The following ZP3 variants were observed in gnomAD, a reference collection of about 807,000 sequenced individuals.
ZP3 encodes the protein zona pellucida glycoprotein 3, also known as zona pellucida sperm-binding protein 3.
A neutral mutation model predicts 35.6 loss-of-function variants in ZP3; 21 were observed. The ratio of observed to expected loss-of-function variants is 0.59; its 90% CI spans 0.42 to 0.85. The LOEUF is 0.85. Among genes scored for constraint, ZP3 ranks in the 40% least tolerant of loss-of-function variants. ZP3 has a pLI of 0.00. For missense variants in ZP3, 437 were observed against 536.5 expected (o/e 0.81, Z 1.83); for synonymous variants, 207 against 214.5 (o/e 0.96, Z 0.31).
Position 76,433,098 on chromosome 7 carries a change from C to T in ZP3, c.535+68C>T, listed in dbSNP as rs879700142. On this transcript the variant is annotated intron_variant, in intron 3 of 7. Coordinates refer to ENST00000394857, the MANE Select transcript of ZP3 (RefSeq NM_001110354.2). ...GGCCATCTCAGACCCCTGCCCTTGGCTGTGTCTTTTTTTTGTTTGTTTGGT... is the reference window on the plus strand; with the variant it reads ...GGCCATCTCAGACCCCTGCCCTTGGTTGTGTCTTTTTTTTGTTTGTTTGGT... 139 of 1,166,528 alleles carry T rather than the reference C, an allele frequency of 1.2e-4. 2 individuals are homozygous for T. The highest frequency in any genetic ancestry group is 1.0e-4 in the Non-Finnish European group (88 of 872,686). 72.3% of individuals were successfully genotyped at this position (1,166,528 alleles called of 1,614,324 possible).
At chr7:76,440,750 A>T in intron 7 of ZP3, 139 bp downstream of exon 7, 2 of 1,401,230 alleles carry the variant, frequency 1.4e-6, no homozygotes, top group Non-Finnish European at 1.9e-6. Context: ...ACCTTTCCCT[A>T]ACACAAATCT....
intron 1 of ZP3, among the ~76,000 whole-genome samples, chr7:76,406,680 ATGGGCTCT>A (rs2115815862): frequency 6.6e-6 from 1 of 151,148 alleles, no homozygotes; most frequent in Non-Finnish European, 1.5e-5. Flanking sequence ...TTTAGTAGAG[ATGGGCTCT>A]CGTGCTGTGT....
chr7:76,412,666 A>G (rs1467710596), intron 1 of ZP3, among the ~76,000 whole-genome samples: 1 of 152,052 alleles, frequency 6.6e-6, no homozygotes, highest in Admixed American at 6.6e-5. Context: ...CCTGACCAAC[A>G]TGGAGAAACC....
chr7:76,429,782 G>T, intron 2 of ZP3, 149 bp downstream of exon 2: 1 of 703,128 alleles, frequency 1.4e-6, no homozygotes. Flanking sequence ...GTACTGCGTG[G>T]GATTGTGGGG....
upstream of ZP3, among the ~76,000 whole-genome samples, chr7:76,421,454 G>A (rs954748996): frequency 4.6e-5 from 7 of 151,422 alleles, no homozygotes; most frequent in African/African-American, 1.5e-4. Context: ...GGGCCTCACT[G>A]TATTGTCCAG....
chr7:76,419,741 TTC>T (rs1461724603), intron 1 of ZP3, among the ~76,000 whole-genome samples: 7 of 150,302 alleles, frequency 4.7e-5, no homozygotes, highest in Admixed American at 1.3e-4. Flanking sequence ...CTTTCTTTCT[TTC>T]TCTTTTTCTT....
intron 2 of ZP3, among the ~76,000 whole-genome samples, chr7:76,431,411 G>A (rs184925211): frequency 2.0e-5 from 3 of 152,268 alleles, no homozygotes; most frequent in East Asian, 1.9e-4. Context: ...GCTTTAACCT[G>A]GCTCCAGATA....
chr7:76,428,121 T>A (rs915289640), intron 1 of ZP3, among the ~76,000 whole-genome samples: 2 of 149,374 alleles, frequency 1.3e-5, no homozygotes, highest in Admixed American at 6.7e-5. Context: ...AGGCCAGGAG[T>A]TCGAGACCAG....
At chr7:76,421,780 T>A (rs73363123), upstream of ZP3, among the ~76,000 whole-genome samples, 2,203 of 151,728 alleles carry the variant, frequency 0.015, 66 homozygotes, top group African/African-American at 0.051. Context: ...GTTTTTGTAT[T>A]CTTCCTCCTC....
At chr7:76,398,743 G>A (rs763105538) in intron 1 of ZP3, 27 of 1,613,456 alleles carry the variant, frequency 1.7e-5, no homozygotes, top group Middle Eastern at 1.7e-4. Flanking sequence ...CAGTGTCGTA[G>A]GAGGTGCTCT....
At chr7:76,437,659 G>T (rs1806062506) in intron 5 of ZP3, among the ~76,000 whole-genome samples, 1 of 98,090 alleles carries the variant, frequency 1.0e-5, no homozygotes, top group African/African-American at 4.2e-5. Flanking sequence ...GCTAATTTCT[G>T]TATTTTTTTT....
At chr7:76,422,429 A>C (rs567537928), upstream of ZP3, among the ~76,000 whole-genome samples, 2 of 152,140 alleles carry the variant, frequency 1.3e-5, no homozygotes, top group Non-Finnish European at 2.9e-5. Context: ...CTATAATCCC[A>C]GCACTTTGGG....
chr7:76,424,456 C>A (rs1209767634), upstream of ZP3, among the ~76,000 whole-genome samples: 1 of 152,206 alleles, frequency 6.6e-6, no homozygotes, highest in African/African-American at 2.4e-5. Flanking sequence ...TAGTGAAACC[C>A]TGTCTCTACC....
chr7:76,397,599 G>T, exon 1 of ZP3: 1 of 1,608,408 alleles, frequency 6.2e-7, no homozygotes, highest in South Asian at 1.1e-5. Flanking sequence ...GCCAGGCGGG[G>T]CTCGCCGCCT....
intron 5 of ZP3, among the ~76,000 whole-genome samples, chr7:76,438,339 C>G (rs1235526504): frequency 6.6e-6 from 1 of 152,074 alleles, no homozygotes; most frequent in Non-Finnish European, 1.5e-5. Flanking sequence ...AGGTGGATCA[C>G]TTGAGGCCAG....
intron 1 of ZP3, among the ~76,000 whole-genome samples, chr7:76,408,025 G>A (rs1377586989): frequency 6.6e-6 from 1 of 152,168 alleles, no homozygotes; most frequent in Non-Finnish European, 1.5e-5. Context: ...TCTTGGTGTT[G>A]GGGGTCAGGG....
Position 76,425,084 on chromosome 7 carries a change from G to A in ZP3, c.120G>A (p.Gln40=). 3 of 1,613,690 alleles carry A rather than the reference G, an allele frequency of 1.9e-6. No homozygotes were observed. The highest frequency in any genetic ancestry group is 2.5e-6 in the Non-Finnish European group (3 of 1,179,976). The change falls in exon 1 of 8, where the codon CAG becomes CAA. Residue 40 remains glutamine (Q), a synonymous_variant. Coordinates refer to ENST00000394857, the MANE Select transcript of ZP3 (RefSeq NM_001110354.2). ...CCAGCCATCCTGAGACGTCCGTACAGCCCGTACTGGTGGAGTGTCAGGAGG... is the reference window on the plus strand; with the variant it reads ...CCAGCCATCCTGAGACGTCCGTACAACCCGTACTGGTGGAGTGTCAGGAGG... ...GGASHPETSV[Q]PVLVECQEAT...
chr7:76,400,858 C>G (rs1804800651), intron 1 of ZP3: 1 of 1,212,732 alleles, frequency 8.2e-7, no homozygotes, highest in Middle Eastern at 2.7e-4. Flanking sequence ...TCAATCCCTT[C>G]TGGAAAATGG....
chr7:76,411,330 GC>G (rs1359284662), intron 1 of ZP3, among the ~76,000 whole-genome samples: 2 of 152,186 alleles, frequency 1.3e-5, no homozygotes. Flanking sequence ...ACTTCCGGAA[GC>G]AAAGGCAGGA....
Sources: gnomAD v4.1 joint callset for allele counts (sites outside exome capture counted in the v4.1 genomes callset) on GRCh38, gnomAD v4.1.1 for gene constraint, MANE v1.5 for transcripts, NCBI Gene and HGNC (gene_info 2026-07-23, HGNC 2026-07-21) for gene names.